The following IL1RAPL1 variants were observed in gnomAD, a reference collection of about 807,000 sequenced individuals.
IL1RAPL1 encodes the protein interleukin-1 receptor accessory protein-like 1.
IL1RAPL1 carries 3 observed loss-of-function variants against 48.4 expected under a neutral mutation model. The ratio of observed to expected loss-of-function variants is 0.06; its 90% CI spans 0.03 to 0.16. The LOEUF (loss-of-function observed/expected upper bound fraction) is 0.16, where lower values mean the gene tolerates loss of function less well. IL1RAPL1 is among the 10% of genes least tolerant of loss of function. The pLI is 1.00. For synonymous variants in IL1RAPL1, 185 were observed against 187.7 expected (o/e 0.99, Z 0.12); for missense variants, 349 against 530.6 (o/e 0.66, Z 3.36).
At chrX:29,179,270 A>C (rs924927634) in intron 2 of IL1RAPL1, among the ~76,000 whole-genome samples, 4 of 111,026 alleles carry the variant, frequency 3.6e-5, no homozygotes, top group Non-Finnish European at 5.7e-5. Context: ...CTTTTATTTC[A>C]TTGAGCAGTG....
intron 6 of IL1RAPL1, among the ~76,000 whole-genome samples, chrX:29,753,908 A>T (rs1488350688): frequency 8.9e-6 from 1 of 112,049 alleles, no homozygotes; most frequent in Non-Finnish European, 1.9e-5. Context: ...AGTGCTAATC[A>T]TGTATGGCTT....
At chrX:28,911,294 G>C (rs950679694) in intron 2 of IL1RAPL1, among the ~76,000 whole-genome samples, 2 of 111,362 alleles carry the variant, frequency 1.8e-5, no homozygotes, top group African/African-American at 6.5e-5. Context: ...GGAAGTAATT[G>C]AGGTTGCATA....
chrX:29,761,439 A>G, intron 6 of IL1RAPL1, among the ~76,000 whole-genome samples: 1 of 111,958 alleles, frequency 8.9e-6, no homozygotes, highest in Non-Finnish European at 1.9e-5. Flanking sequence ...TCAATCACAC[A>G]ACATATTATA....
chrX:29,242,885 A>C (rs1391304215), intron 2 of IL1RAPL1, among the ~76,000 whole-genome samples: 2 of 112,138 alleles, frequency 1.8e-5, no homozygotes, highest in African/African-American at 6.5e-5. Context: ...TGGTATTCAA[A>C]TCTAGGTCTG....
intron 1 of IL1RAPL1, among the ~76,000 whole-genome samples, chrX:28,734,625 G>A (rs1300157278): frequency 9.2e-6 from 1 of 108,357 alleles, no homozygotes; most frequent in Non-Finnish European, 1.9e-5. Context: ...GTCACCTCTG[G>A]CATTTCCCAT....
chrX:29,858,610 C>T (rs1348380309), intron 6 of IL1RAPL1, among the ~76,000 whole-genome samples: 2 of 110,834 alleles, frequency 1.8e-5, no homozygotes, highest in Non-Finnish European at 3.8e-5. Flanking sequence ...ACCTCCTACC[C>T]GCACCATGAA....
chrX:29,562,120 ATCTATCTATCT>A (rs1922249035), intron 5 of IL1RAPL1, among the ~76,000 whole-genome samples: 3 of 21,671 alleles, frequency 1.4e-4, no homozygotes, highest in East Asian at 2.7e-3. Flanking sequence ...TATCTAATCT[ATCTATCTATCT>A]ATCTATCTAT....
intron 1 of IL1RAPL1, among the ~76,000 whole-genome samples, chrX:28,768,404 A>C (rs1359791758): frequency 9.0e-6 from 1 of 110,678 alleles, no homozygotes; most frequent in Non-Finnish European, 1.9e-5. Context: ...CTTCCCAGTC[A>C]CAAACCTTAT....
chrX:29,356,332 A>G (rs1052269326), intron 3 of IL1RAPL1, among the ~76,000 whole-genome samples: 5 of 108,987 alleles, frequency 4.6e-5, no homozygotes, highest in African/African-American at 1.0e-4. Flanking sequence ...CTCAACGTGT[A>G]TCTTTTTATT....
intron 2 of IL1RAPL1, among the ~76,000 whole-genome samples, chrX:28,865,862 G>A (rs1026202531): frequency 8.9e-6 from 1 of 111,794 alleles, no homozygotes; most frequent in Non-Finnish European, 1.9e-5. Flanking sequence ...AGTAAGATGA[G>A]AACTGTCAAA....
intron 2 of IL1RAPL1, among the ~76,000 whole-genome samples, chrX:29,037,034 T>A (rs993500397): frequency 2.7e-5 from 3 of 112,297 alleles, no homozygotes; most frequent in African/African-American, 9.7e-5. Context: ...TTGCTATTAA[T>A]ACATCTAAAT....
intron 6 of IL1RAPL1, among the ~76,000 whole-genome samples, chrX:29,766,605 A>G (rs1422511075): frequency 1.0e-5 from 1 of 96,053 alleles, no homozygotes; most frequent in Non-Finnish European, 2.0e-5. Flanking sequence ...AATTTCTTAC[A>G]TTTGCTCACT....
intron 2 of IL1RAPL1, among the ~76,000 whole-genome samples, chrX:29,164,753 C>G (rs1291878233): frequency 9.0e-6 from 1 of 111,475 alleles, no homozygotes; most frequent in East Asian, 2.8e-4. Flanking sequence ...TTTTAAGCCT[C>G]CCATTTTTTC....
intron 5 of IL1RAPL1, among the ~76,000 whole-genome samples, chrX:29,664,403 C>CA (rs569100581): frequency 0.071 from 2,842 of 40,150 alleles, 231 homozygotes; most frequent in African/African-American, 0.21. Context: ...GACTCCGTCT[C>CA]AAAAAAAAAA....
intron 5 of IL1RAPL1, among the ~76,000 whole-genome samples, chrX:29,653,223 A>G (rs1925569219): frequency 8.9e-6 from 1 of 112,275 alleles, no homozygotes; most frequent in South Asian, 3.7e-4. Flanking sequence ...AGTATGGACA[A>G]TTTTAGCTAT....
chrX:29,382,631 G>T (rs1368730747), intron 3 of IL1RAPL1, among the ~76,000 whole-genome samples: 2 of 112,192 alleles, frequency 1.8e-5, no homozygotes, highest in Non-Finnish European at 3.8e-5. Flanking sequence ...CTGAAACTGA[G>T]AAAAGAGAGC....
At chrX:29,318,336 G>A (rs1374294452) in intron 3 of IL1RAPL1, among the ~76,000 whole-genome samples, 3 of 112,346 alleles carry the variant, frequency 2.7e-5, no homozygotes, top group Non-Finnish European at 3.8e-5. Context: ...CTAGAGTCAC[G>A]CTTGCTGAAT....
intron 2 of IL1RAPL1, among the ~76,000 whole-genome samples, chrX:29,160,958 T>C (rs549815484): frequency 3.6e-5 from 4 of 110,968 alleles, no homozygotes; most frequent in African/African-American, 1.3e-4. Context: ...CTTGGGAGGC[T>C]GAGGCAGGAG....
chrX:28,925,244 CAAATT>C (rs778460557), intron 2 of IL1RAPL1, among the ~76,000 whole-genome samples: 132 of 111,560 alleles, frequency 1.2e-3, no homozygotes, highest in African/African-American at 4.2e-3. Context: ...AAAGATAAAA[CAAATT>C]AATACTTTTA....
Sources: allele counts gnomAD v4.1 joint callset (sites outside exome capture counted in the v4.1 genomes callset), GRCh38; gene constraint gnomAD v4.1.1; transcripts MANE v1.5; gene names NCBI Gene and HGNC (gene_info 2026-07-23, HGNC 2026-07-21).